The following HERC4 variants were observed in gnomAD, a reference collection of about 807,000 sequenced individuals.
HERC4 encodes the protein probable E3 ubiquitin-protein ligase HERC4.
A neutral mutation model predicts 124.3 loss-of-function variants in HERC4; 28 were observed. The observed-to-expected ratio is 0.23, with a 90% CI of 0.17 to 0.31. HERC4 has a LOEUF of 0.31. Ranked by LOEUF, HERC4 falls within the 10% of genes least tolerant of loss-of-function variation. The pLI is 1.00. For synonymous variants in HERC4, 407 were observed against 421.5 expected (o/e 0.97, Z 0.42); for missense variants, 713 against 1,229.3 (o/e 0.58, Z 6.28).
At chr10:67,931,661 G>A (rs2031826417) in intron 23 of HERC4, among the ~76,000 whole-genome samples, 1 of 152,122 alleles carries the variant, frequency 6.6e-6, no homozygotes, top group South Asian at 2.1e-4. Context: ...CTGACCTCAG[G>A]TGATCCGCCC....
chr10:68,072,084 A>G (rs2133878714), intron 3 of HERC4, among the ~76,000 whole-genome samples: 1 of 152,358 alleles, frequency 6.6e-6, no homozygotes, highest in South Asian at 2.1e-4. Context: ...AATAAACAGT[A>G]AGTCAGTATA....
chr10:68,059,654 TATC>T (rs1303176721), intron 3 of HERC4, among the ~76,000 whole-genome samples: 5 of 65,904 alleles, frequency 7.6e-5, no homozygotes, highest in South Asian at 9.1e-4. Flanking sequence ...TTATATTATA[TATC>T]ATATTATATA....
At chr10:67,994,598 A>C (rs1349192144) in intron 9 of HERC4, 3 of 151,166 alleles carry the variant, frequency 2.0e-5, no homozygotes, top group Non-Finnish European at 4.4e-5. Flanking sequence ...ACTCCTGATT[A>C]ATTTTTTATT....
chr10:67,947,861 T>C (rs2033494723), intron 19 of HERC4, among the ~76,000 whole-genome samples: 1 of 147,590 alleles, frequency 6.8e-6, no homozygotes, highest in African/African-American at 2.5e-5. Context: ...TTTTTTTTTT[T>C]TGTATTTTTA....
At position 67,927,817 on chromosome 10, in the gene HERC4, G is replaced by A. The variant is rs200491012; in HGVS notation, c.2839-2630C>T. Among the ~76,000 whole-genome samples the A allele has an allele frequency of 7.9e-5, 12 of 152,232 alleles. No individual in the cohort carries two copies. The South Asian group carries it at 1.2e-3, about 16-fold the overall frequency. On this transcript the variant is annotated intron_variant, in intron 23 of 24. Coordinates refer to ENST00000373700, the MANE Select transcript of HERC4 (RefSeq NM_015601.4). The stretch of plus-strand genomic sequence containing the variant: ...GCAAGGTTTCAAGTACTTACTGAGT[G>A]CTCTCCTAGGTGCTGGGAATACAGC...
At chr10:67,958,382 A>G (rs1326817115) in intron 16 of HERC4, among the ~76,000 whole-genome samples, 1 of 125,448 alleles carries the variant, frequency 8.0e-6, no homozygotes, top group Non-Finnish European at 1.9e-5. Flanking sequence ...CTTTGGCTTC[A>G]AAACTCTATG....
intron 21 of HERC4, among the ~76,000 whole-genome samples, chr10:67,937,473 CTTGAAACTTAATTTTTTAGT>C (rs2032466202): frequency 6.6e-6 from 1 of 152,044 alleles, no homozygotes; most frequent in African/African-American, 2.4e-5. Context: ...AATTAAACAG[CTTGAAACTTAATTTTTTAGT>C]CAACTGAGAT....
intron 4 of HERC4, among the ~76,000 whole-genome samples, chr10:68,043,634 G>GTGAA (rs892936093): frequency 2.6e-5 from 4 of 152,074 alleles, no homozygotes; most frequent in African/African-American, 9.7e-5. Flanking sequence ...GGCCAACATG[G>GTGAA]TGAACCCCCA....
chr10:67,957,893 C>T (rs1030484005), intron 16 of HERC4, among the ~76,000 whole-genome samples: 15 of 152,042 alleles, frequency 9.9e-5, no homozygotes, highest in African/African-American at 2.7e-4. Flanking sequence ...CGGCAACCTT[C>T]GCCTCTGGGG....
intron 15 of HERC4, among the ~76,000 whole-genome samples, chr10:67,986,984 C>G (rs1167056336): frequency 6.6e-6 from 1 of 152,010 alleles, no homozygotes; most frequent in Non-Finnish European, 1.5e-5. Context: ...TGAAAAGGGG[C>G]AAAATACCGA....
intron 19 of HERC4, among the ~76,000 whole-genome samples, chr10:67,947,191 C>T (rs80123155): frequency 1.9e-4 from 29 of 152,278 alleles, no homozygotes; most frequent in African/African-American, 3.6e-4. Flanking sequence ...CTACAACATA[C>T]GGATGGACCA....
chr10:67,925,291 T>G (rs2030770286), intron 23 of HERC4, 104 bp from the exon 24 acceptor site: 1 of 579,682 alleles, frequency 1.7e-6, no homozygotes, highest in South Asian at 2.6e-5. Flanking sequence ...TGCAATTCAA[T>G]GGATTGCCCA....
At chr10:68,006,499 GT>G (rs2037573478) in intron 9 of HERC4, among the ~76,000 whole-genome samples, 1 of 151,646 alleles carries the variant, frequency 6.6e-6, no homozygotes, top group Non-Finnish European at 1.5e-5. Context: ...AGCCTCCTGA[GT>G]AGCTGGGATT....
chr10:67,951,086 GAT>G (rs923503837), intron 19 of HERC4, among the ~76,000 whole-genome samples: 1 of 152,202 alleles, frequency 6.6e-6, no homozygotes, highest in African/African-American at 2.4e-5. Flanking sequence ...GCCAAGGTGA[GAT>G]AGAACTTGAA....
At chr10:68,072,355 G>C (rs1363362480) in intron 3 of HERC4, among the ~76,000 whole-genome samples, 1 of 152,008 alleles carries the variant, frequency 6.6e-6, no homozygotes, top group East Asian at 1.9e-4. Context: ...CAATGCTACA[G>C]AAAGTAGAAG....
At chr10:67,931,705 A>G (rs2031833180) in intron 23 of HERC4, among the ~76,000 whole-genome samples, 2 of 151,894 alleles carry the variant, frequency 1.3e-5, no homozygotes. Context: ...GATTACAGGC[A>G]TGAGCCATCG....
At chr10:67,942,763 G>C (rs1417060525) in intron 19 of HERC4, among the ~76,000 whole-genome samples, 2 of 152,034 alleles carry the variant, frequency 1.3e-5, no homozygotes, top group African/African-American at 4.8e-5. Context: ...CACCCGCCTC[G>C]GCCTCCCAAA....
chr10:67,923,994 C>T (rs969738078), intron 24 of HERC4, among the ~76,000 whole-genome samples: 10 of 151,366 alleles, frequency 6.6e-5, no homozygotes, highest in African/African-American at 2.2e-4. Flanking sequence ...GGAACTAAGG[C>T]CTGAAAAAGC....
intron 15 of HERC4, among the ~76,000 whole-genome samples, chr10:67,982,865 T>G (rs1016789954): frequency 2.0e-5 from 3 of 152,104 alleles, no homozygotes; most frequent in African/African-American, 7.2e-5. Context: ...CGGTGGCTCA[T>G]GCCTGTAATC....
Sources: gnomAD v4.1 joint callset for allele counts (sites outside exome capture counted in the v4.1 genomes callset) on GRCh38, gnomAD v4.1.1 for gene constraint, MANE v1.5 for transcripts, NCBI Gene and HGNC (gene_info 2026-07-23, HGNC 2026-07-21) for gene names.